EPHA6: variants seen among roughly 807,000 people sequenced by gnomAD.
EPHA6 encodes the protein EPH receptor A6, also known as ephrin type-A receptor 6.
In EPHA6, 50 loss-of-function variants were observed where a neutral mutation model predicts 112.0. That is an observed-to-expected ratio of 0.45 (90% confidence interval 0.36 to 0.56). The LOEUF (loss-of-function observed/expected upper bound fraction) is 0.56, where lower values mean the gene tolerates loss of function less well. EPHA6 is among the 20% of genes least tolerant of loss of function. The probability of loss-of-function intolerance (pLI) is 0.00; values close to 1 mark genes in which losing one functional copy is unlikely to be tolerated. For missense variants in EPHA6, 1,280 were observed against 1,417.4 expected, an observed-to-expected ratio of 0.90 and a Z score of 1.56; for synonymous variants, 529 against 490.7, an observed-to-expected ratio of 1.08 and a Z score of -1.03.
In EPHA6 at chr3:97,253,647, A is replaced by G. The variant is rs566593430; in HGVS notation, c.1606+9360A>G. 9.8e-4 allele frequency among the ~76,000 whole-genome samples: 149 copies of G among 152,270 alleles called. 1 individual carries two copies. Among genetic ancestry groups the G allele is most frequent in the Non-Finnish European group, 1.9e-4 (13 of 67,998 alleles). On this transcript the variant is annotated intron_variant, in intron 5 of 17. Transcript: ENST00000389672. ...TATTCCAAGGATGATAGATATATCTATAGTATATAAATAGAAATGTGCTTT... is the reference window on the plus strand; with the variant it reads ...TATTCCAAGGATGATAGATATATCTGTAGTATATAAATAGAAATGTGCTTT...
chr3:97,560,453 A>G (rs1487077418), intron 11 of EPHA6: 2 of 152,066 alleles, frequency 1.3e-5, no homozygotes. Flanking sequence ...ACAATTTATA[A>G]TTTGGTTCCT....
At chr3:97,329,485 CCTGA>C (rs1473417818) in intron 5 of EPHA6, among the ~76,000 whole-genome samples, 1 of 147,948 alleles carries the variant, frequency 6.8e-6, no homozygotes, top group African/African-American at 2.6e-5. Context: ...CCTGTTGCTT[CCTGA>C]CTTTTTAATG....
At chr3:97,188,334 A>C (rs1380797600) in intron 3 of EPHA6, among the ~76,000 whole-genome samples, 1 of 152,118 alleles carries the variant, frequency 6.6e-6, no homozygotes, top group Non-Finnish European at 1.5e-5. Flanking sequence ...AATGTAAAAA[A>C]TAAATTTAAA....
At chr3:97,551,357 C>G (rs1437592246) in intron 11 of EPHA6, among the ~76,000 whole-genome samples, 3 of 152,078 alleles carry the variant, frequency 2.0e-5, no homozygotes, top group African/African-American at 7.2e-5. Flanking sequence ...GATAAAGCAA[C>G]AGAATGATGT....
rs1480575932 is a variant in EPHA6 at position 97,753,880 on chromosome 3, G to A, written c.*5179G>A. On this transcript the variant is annotated 3_prime_UTR_variant, in exon 18 of 18. Coordinates refer to ENST00000389672, the MANE Select transcript of EPHA6 (RefSeq NM_001080448.3). Reference sequence around the variant, plus strand: ...AAAAGTACTGATGAGATGTAGCAAAGATTTCTCAGGATAAAAATTAACTTT... The same window carrying A: ...AAAAGTACTGATGAGATGTAGCAAAAATTTCTCAGGATAAAAATTAACTTT... Among the ~76,000 whole-genome samples the A allele has an allele frequency of 6.6e-6, 1 of 151,840 alleles. No individual in the cohort carries two copies. The highest frequency in any genetic ancestry group is 1.9e-4 in the East Asian group (1 of 5,180).
chr3:97,279,923 T>G (rs1040446984), intron 5 of EPHA6, among the ~76,000 whole-genome samples: 1 of 152,344 alleles, frequency 6.6e-6, no homozygotes, highest in Non-Finnish European at 1.5e-5. Flanking sequence ...CTTGCTCTTG[T>G]TGCCCAGGCT....
intron 2 of EPHA6, among the ~76,000 whole-genome samples, chr3:96,894,266 G>C (rs2038141537): frequency 6.6e-6 from 1 of 152,140 alleles, no homozygotes; most frequent in Admixed American, 6.5e-5. Flanking sequence ...ATGCCCTTCT[G>C]AGTTGCTGCT....
chr3:97,732,719 C>A (rs1311174886), intron 15 of EPHA6, among the ~76,000 whole-genome samples: 3 of 151,922 alleles, frequency 2.0e-5, no homozygotes, highest in African/African-American at 7.3e-5. Flanking sequence ...TTATACCTAC[C>A]TCATAAAGTT....
At chr3:97,553,497 A>G (rs2093058640) in intron 11 of EPHA6, among the ~76,000 whole-genome samples, 1 of 152,168 alleles carries the variant, frequency 6.6e-6, no homozygotes, top group South Asian at 2.1e-4. Context: ...ACCATGGCAG[A>G]AGGCTAAGAG....
chr3:96,855,379 C>T (rs2035633484), intron 1 of EPHA6, among the ~76,000 whole-genome samples: 1 of 152,066 alleles, frequency 6.6e-6, no homozygotes, highest in Admixed American at 6.6e-5. Flanking sequence ...CTGCTTACGA[C>T]ATCCAGTTTG....
chr3:96,858,060 G>A (rs892217495), intron 1 of EPHA6, among the ~76,000 whole-genome samples: 1 of 151,870 alleles, frequency 6.6e-6, no homozygotes, highest in Non-Finnish European at 1.5e-5. Flanking sequence ...AAAGGGGGTG[G>A]GGGAATCAAA....
intron 10 of EPHA6, among the ~76,000 whole-genome samples, chr3:97,511,874 T>C (rs1256452096): frequency 6.6e-6 from 1 of 152,144 alleles, no homozygotes; most frequent in African/African-American, 2.4e-5. Flanking sequence ...TTTTTTTTCA[T>C]TTAACATCAT....
At chr3:97,216,545 G>A (rs1003496076) in intron 3 of EPHA6, among the ~76,000 whole-genome samples, 3 of 152,206 alleles carry the variant, frequency 2.0e-5, no homozygotes, top group Non-Finnish European at 2.9e-5. Flanking sequence ...GACTACTTCA[G>A]GGGGATAGGC....
At chr3:97,187,569 C>T (rs951340866) in intron 3 of EPHA6, among the ~76,000 whole-genome samples, 5 of 125,374 alleles carry the variant, frequency 4.0e-5, no homozygotes, top group African/African-American at 9.1e-5. Context: ...AGCGAGACTT[C>T]GTCTCAAAAC....
At chr3:97,145,470 T>G (rs1428670539) in intron 3 of EPHA6, among the ~76,000 whole-genome samples, 1 of 151,470 alleles carries the variant, frequency 6.6e-6, no homozygotes, top group Non-Finnish European at 1.5e-5. Flanking sequence ...AAAAAATTTT[T>G]ATTTCTCTTG....
chr3:97,551,485 A>G (rs1173075197), intron 11 of EPHA6, among the ~76,000 whole-genome samples: 1 of 152,144 alleles, frequency 6.6e-6, no homozygotes, highest in African/African-American at 2.4e-5. Context: ...TTTCATTTAC[A>G]TGCAATTGCT....
intron 5 of EPHA6, among the ~76,000 whole-genome samples, chr3:97,257,418 TA>T (rs1220984428): frequency 1.3e-5 from 2 of 152,006 alleles, no homozygotes; most frequent in African/African-American, 4.8e-5. Context: ...GGCAATTACC[TA>T]ATATGCATTA....
chr3:97,302,103 A>G (rs368395133), intron 5 of EPHA6, among the ~76,000 whole-genome samples: 1 of 152,170 alleles, frequency 6.6e-6, no homozygotes, highest in East Asian at 1.9e-4. Context: ...TTGAAATTTG[A>G]TGTGGTTGTT....
At chr3:96,988,525 A>G (rs1264709554) in intron 3 of EPHA6, among the ~76,000 whole-genome samples, 2 of 152,196 alleles carry the variant, frequency 1.3e-5, no homozygotes, top group Non-Finnish European at 2.9e-5. Flanking sequence ...TTTCTATCAT[A>G]TTGAATTATA....
Sources: allele counts gnomAD v4.1 joint callset (sites outside exome capture counted in the v4.1 genomes callset), GRCh38; gene constraint gnomAD v4.1.1; transcripts MANE v1.5; gene names NCBI Gene and HGNC (gene_info 2026-07-23, HGNC 2026-07-21).